Variants in CUL3 observed in about 807,000 individuals in gnomAD.
The protein encoded by CUL3 is cullin-3.
In CUL3, 19 loss-of-function variants were observed where a neutral mutation model predicts 89.1. The observed-to-expected ratio is 0.21, with a 90% CI of 0.15 to 0.31. The LOEUF (loss-of-function observed/expected upper bound fraction) is 0.31. Ranked by LOEUF, CUL3 falls within the 10% of genes least tolerant of loss-of-function variation. The pLI, the probability that CUL3 is intolerant of heterozygous loss-of-function variation, is 1.00. For missense variants in CUL3, 469 were observed against 942.3 expected (o/e 0.50, Z 6.58); for synonymous variants, 351 against 308.4 (o/e 1.14, Z -1.45).
chr2:224,486,131 G>A (rs530559477), intron 13 of CUL3, among the ~76,000 whole-genome samples: 4 of 152,324 alleles, frequency 2.6e-5, no homozygotes, highest in Admixed American at 2.0e-4. Flanking sequence ...AAGATCAAAG[G>A]TAGATAAATC....
chr2:224,548,371 G>A (rs375428686), intron 2 of CUL3, among the ~76,000 whole-genome samples: 4 of 152,122 alleles, frequency 2.6e-5, no homozygotes, highest in South Asian at 2.1e-4. Context: ...CCATTCAATC[G>A]GAGTAAGATA....
intron 14 of CUL3, chr2:224,479,865 T>C (rs572721780): frequency 1.3e-5 from 2 of 152,324 alleles, no homozygotes; most frequent in East Asian, 3.9e-4. Context: ...ACAATCCCTT[T>C]GGCTCATCTG....
intron 1 of CUL3, among the ~76,000 whole-genome samples, chr2:224,568,191 T>C (rs1050616618): frequency 6.6e-6 from 1 of 152,224 alleles, no homozygotes; most frequent in Non-Finnish European, 1.5e-5. Flanking sequence ...AACAACTCCT[T>C]CTCAGTTCTT....
intron 2 of CUL3, among the ~76,000 whole-genome samples, chr2:224,547,731 T>C (rs1330574391): frequency 1.3e-5 from 2 of 152,066 alleles, no homozygotes; most frequent in Non-Finnish European, 2.9e-5. Flanking sequence ...ATATATTGTA[T>C]ATATATATGC....
At position 224,584,252 on chromosome 2, in the gene CUL3, C is replaced by A. The variant is rs1695513745; in HGVS notation, c.66+692G>T. ...GCTCCCAAGGCTGAGAAATGGAGAACCAATTGGCCGGTTTGCTCTCTGTTG... is the reference window on the plus strand; with the variant it reads ...GCTCCCAAGGCTGAGAAATGGAGAAACAATTGGCCGGTTTGCTCTCTGTTG... On this transcript the variant is annotated intron_variant, in intron 1 of 15. Coordinates refer to ENST00000264414, the MANE Select transcript of CUL3 (RefSeq NM_003590.5). 4.0e-5 allele frequency among the ~76,000 whole-genome samples: 6 copies of A among 151,552 alleles called. No individual in the cohort carries two copies. The South Asian group carries it at 1.0e-3, about 26-fold the overall frequency.
At position 224,514,567 on chromosome 2, in the gene CUL3, T is replaced by C. The variant is rs761918856; in HGVS notation, c.539+45A>G. 18 of 1,493,668 alleles carry C rather than the reference T, an allele frequency of 1.2e-5. No individual in the cohort carries two copies. In the South Asian group the frequency reaches 1.6e-4, roughly 13 times the overall value. 92.5% of individuals were successfully genotyped at this position (1,493,668 alleles called of 1,614,324 possible). The stretch of plus-strand genomic sequence containing the variant: ...AAGACAGTGAATCGTTCTCAAGATA[T>C]AATCACTAAAACCAAAACCACAAGA... On this transcript the variant is annotated intron_variant, in intron 4 of 15. Transcript: ENST00000264414.
intron 1 of CUL3, among the ~76,000 whole-genome samples, chr2:224,574,843 G>A (rs113809016): frequency 6.6e-6 from 1 of 152,188 alleles, no homozygotes; most frequent in African/African-American, 2.4e-5. Context: ...CAAACTTAAA[G>A]AGTCTGTTAG....
chr2:224,507,802 A>G (rs1408216118), intron 6 of CUL3, among the ~76,000 whole-genome samples: 6 of 152,188 alleles, frequency 3.9e-5, no homozygotes, highest in Non-Finnish European at 5.9e-5. Flanking sequence ...TTTCTTTGCA[A>G]TAACAACTTA....
At chr2:224,511,288 G>C in intron 6 of CUL3, 66 bp downstream of exon 6, 1 of 1,217,252 alleles carries the variant, frequency 8.2e-7, no homozygotes, top group Non-Finnish European at 1.1e-6. Flanking sequence ...TTAATTGTAG[G>C]AAAATTTTAA....
intron 8 of CUL3, among the ~76,000 whole-genome samples, chr2:224,504,851 T>A (rs910691709): frequency 6.6e-6 from 1 of 152,204 alleles, no homozygotes; most frequent in African/African-American, 2.4e-5. Flanking sequence ...GCATGTTTTA[T>A]GCTTCAGTTG....
intron 2 of CUL3, among the ~76,000 whole-genome samples, chr2:224,540,583 C>T (rs1694067203): frequency 6.6e-6 from 1 of 152,106 alleles, no homozygotes; most frequent in South Asian, 2.1e-4. Flanking sequence ...CCCACACTAG[C>T]CATTTCTGTC....
intron 3 of CUL3, among the ~76,000 whole-genome samples, chr2:224,521,614 A>G (rs1693267014): frequency 6.6e-6 from 1 of 151,886 alleles, no homozygotes; most frequent in African/African-American, 2.4e-5. Flanking sequence ...TATTTTCAGT[A>G]GAGTTGGGGT....
chr2:224,548,795 C>T (rs538440732), intron 2 of CUL3, among the ~76,000 whole-genome samples: 7 of 151,048 alleles, frequency 4.6e-5, no homozygotes, highest in Admixed American at 2.6e-4. Context: ...CCCTGGAGTT[C>T]GAGACCAGCC....
intron 1 of CUL3, among the ~76,000 whole-genome samples, chr2:224,579,555 T>G (rs1695387428): frequency 6.6e-6 from 1 of 152,196 alleles, no homozygotes; most frequent in South Asian, 2.1e-4. Flanking sequence ...ATATCACAAA[T>G]GAACATAAAA....
intron 1 of CUL3, among the ~76,000 whole-genome samples, chr2:224,579,597 T>G (rs2969785): frequency 6.6e-6 from 1 of 152,252 alleles, no homozygotes; most frequent in East Asian, 1.9e-4. Flanking sequence ...CCCTGTATGT[T>G]CCAGCTAACA....
rs1472297399 is a variant in CUL3 at position 224,554,084 on chromosome 2, C to A, written c.264+3575G>T. Reference sequence around the variant, plus strand: ...CTCACACTCTGGCCTTCTCTCTTCTCCTCACTCTTTGGACGAGCCACTTCT... The same window carrying A: ...CTCACACTCTGGCCTTCTCTCTTCTACTCACTCTTTGGACGAGCCACTTCT... On this transcript the variant is annotated intron_variant, in intron 2 of 15. Transcript: ENST00000264414. 2.0e-5 allele frequency among the ~76,000 whole-genome samples: 3 copies of A among 152,226 alleles called. No individual in the cohort carries two copies. The East Asian group carries it at 5.8e-4, about 29-fold the overall frequency.
At chr2:224,529,648 T>C (rs920139745) in intron 3 of CUL3, among the ~76,000 whole-genome samples, 3 of 151,724 alleles carry the variant, frequency 2.0e-5, no homozygotes, top group Non-Finnish European at 4.4e-5. Context: ...AATTAACGTA[T>C]GTAAGTAAAG....
intron 15 of CUL3, among the ~76,000 whole-genome samples, chr2:224,475,852 G>A (rs1266621543): frequency 6.6e-6 from 1 of 152,038 alleles, no homozygotes; most frequent in African/African-American, 2.4e-5. Flanking sequence ...TATTCTATAT[G>A]TACTACATCA....
rs1186710986 is a variant in CUL3, at chr2:224,485,482, C to T, written c.1843-3404G>A. On this transcript the variant is annotated intron_variant, in intron 13 of 15. Coordinates refer to ENST00000264414, the MANE Select transcript of CUL3 (RefSeq NM_003590.5). The surrounding 1 kb of genome is among the most constrained non-coding windows in gnomAD (Gnocchi z 4.1). ...TGAGGCTTGAGTAGGCGGTTTTCCC[C>T]TCACAGTGTAAACAAGGCCTCCAGG... 1 of 152,336 alleles carries T rather than the reference C, an allele frequency of 6.6e-6. No homozygotes were observed. The highest frequency in any genetic ancestry group is 1.5e-5 in the Non-Finnish European group (1 of 68,172). The allele number at this position is 152,336 out of a possible 1,614,324, so 9.4% of individuals were successfully genotyped here.
Sources: allele counts gnomAD v4.1 joint callset (sites outside exome capture counted in the v4.1 genomes callset), GRCh38; gene constraint gnomAD v4.1.1; non-coding constraint Gnocchi (gnomAD v3.1); transcripts MANE v1.5; gene names NCBI Gene and HGNC (gene_info 2026-07-23, HGNC 2026-07-21).